CDH13: variants seen among roughly 807,000 people sequenced by gnomAD.
CDH13 encodes the protein cadherin 13.
A neutral mutation model predicts 63.8 loss-of-function variants in CDH13; 24 were observed. The observed-to-expected ratio is 0.38, with a 90% CI of 0.27 to 0.53. The LOEUF (loss-of-function observed/expected upper bound fraction) is 0.53. Ranked by LOEUF, CDH13 falls within the 20% of genes least tolerant of loss-of-function variation. CDH13 has a pLI of 0.85. For missense variants in CDH13, 1,049 were observed against 903.1 expected (o/e 1.16, Z -2.07); for synonymous variants, 503 against 355.3 (o/e 1.42, Z -4.67).
chr16:83,183,381 C>T (rs998762557), intron 4 of CDH13, among the ~76,000 whole-genome samples: 5 of 152,176 alleles, frequency 3.3e-5, no homozygotes, highest in African/African-American at 9.7e-5. Context: ...TGACCTTCCA[C>T]GCACACGACG....
At chr16:82,818,792 G>A (rs376853460) in intron 1 of CDH13, among the ~76,000 whole-genome samples, 1 of 152,158 alleles carries the variant, frequency 6.6e-6, no homozygotes, top group Non-Finnish European at 1.5e-5. Context: ...TTTCTCTCTG[G>A]TGTTGCATTT....
intron 1 of CDH13, among the ~76,000 whole-genome samples, chr16:82,695,118 G>A (rs995880752): frequency 3.9e-5 from 6 of 152,120 alleles, no homozygotes; most frequent in African/African-American, 1.4e-4. Context: ...AAGCAGCTCA[G>A]TGGAAAGGAT....
rs1914444435 is a variant in CDH13 at position 83,670,932 on chromosome 16, C to G, written c.1244C>G (p.Thr415Ser). Reference sequence around the variant, plus strand: ...CCCGGGCAGAGCTTTGAAATCCACACCAACCCTCAAACCAACGAAGGGATG... The same window carrying G: ...CCCGGGCAGAGCTTTGAAATCCACAGCAACCCTCAAACCAACGAAGGGATG... ...GNPGQSFEIH[T>S]NPQTNEGMLS... is the part of the protein sequence containing the mutation. The change falls in exon 9 of 14, where the codon ACC becomes AGC. Residue 415 changes from threonine to serine, a missense_variant. Transcript: ENST00000567109. 6.2e-7 allele frequency: 1 copy of G among 1,609,776 alleles called. No individual in the cohort carries two copies.
chr16:83,662,955 G>A (rs1323245746), intron 8 of CDH13, among the ~76,000 whole-genome samples: 1 of 152,140 alleles, frequency 6.6e-6, no homozygotes, highest in South Asian at 2.1e-4. Context: ...TTGTCTTTGA[G>A]TCCCAGAAAA....
chr16:82,732,164 C>G (rs187423258), intron 1 of CDH13, among the ~76,000 whole-genome samples: 107 of 152,246 alleles, frequency 7.0e-4, no homozygotes, highest in Non-Finnish European at 2.9e-4. Flanking sequence ...TACCAAAAGA[C>G]TGCACGCTTC....
intron 8 of CDH13, among the ~76,000 whole-genome samples, chr16:83,619,177 G>A (rs986813095): frequency 1.3e-5 from 2 of 152,238 alleles, no homozygotes; most frequent in Non-Finnish European, 2.9e-5. Flanking sequence ...ACATGTATGT[G>A]CGCTATGCCT....
rs189628566 is a variant in CDH13, at chr16:82,996,336, G to C, written c.158-35674G>C. Among the ~76,000 whole-genome samples, 365 of 152,192 alleles carry C rather than the reference G, an allele frequency of 2.4e-3. 2 individuals carry two copies. Among genetic ancestry groups the C allele is most frequent in the African/African-American group, 8.1e-3 (337 of 41,528 alleles). Reference sequence around the variant, plus strand: ...CATGACTCATCAGCTTCCTGAACTGGAACAACACTGAGCTTTATGACTACA... The same window carrying C: ...CATGACTCATCAGCTTCCTGAACTGCAACAACACTGAGCTTTATGACTACA... On this transcript the variant is annotated intron_variant, in intron 2 of 13. Coordinates refer to ENST00000567109, the MANE Select transcript of CDH13 (RefSeq NM_001257.5).
intron 4 of CDH13, among the ~76,000 whole-genome samples, chr16:83,197,804 A>G (rs991524068): frequency 9.0e-6 from 1 of 111,002 alleles, no homozygotes; most frequent in Non-Finnish European, 1.8e-5. Context: ...ATATGCTCAC[A>G]CACTCTGACA....
chr16:83,372,641 A>G (rs1432549582), intron 6 of CDH13, among the ~76,000 whole-genome samples: 2 of 150,732 alleles, frequency 1.3e-5, no homozygotes, highest in Non-Finnish European at 2.9e-5. Flanking sequence ...AGTCCCAGCT[A>G]CTCGGGAGGC....
At chr16:83,006,199 A>T (rs1913474841) in intron 2 of CDH13, among the ~76,000 whole-genome samples, 1 of 152,152 alleles carries the variant, frequency 6.6e-6, no homozygotes, top group African/African-American at 2.4e-5. Flanking sequence ...CATCACTTTA[A>T]TACATAAACA....
At chr16:83,010,153 A>AAAAAAAAAAAAAAAAAAAC (rs1913989058) in intron 2 of CDH13, among the ~76,000 whole-genome samples, 1 of 148,206 alleles carries the variant, frequency 6.7e-6, no homozygotes, top group Non-Finnish European at 1.5e-5. Flanking sequence ...AAAAAAAAAA[A>AAAAAAAAAAAAAAAAAAAC]AAAAAAAAAC....
chr16:83,060,311 G>C (rs368900511), intron 3 of CDH13, among the ~76,000 whole-genome samples: 82 of 152,322 alleles, frequency 5.4e-4, no homozygotes, highest in African/African-American at 1.8e-3. Flanking sequence ...CTGAAAAATT[G>C]TGGATGTTGA....
chr16:83,115,628 G>C (rs8045922), intron 3 of CDH13, among the ~76,000 whole-genome samples: 8,500 of 152,264 alleles, frequency 0.056, 360 homozygotes, highest in African/African-American at 0.12. Context: ...AATTGGGCTG[G>C]GCTGACTGCA....
At chr16:83,322,509 A>C (rs968270492) in intron 5 of CDH13, among the ~76,000 whole-genome samples, 1 of 152,122 alleles carries the variant, frequency 6.6e-6, no homozygotes, top group Non-Finnish European at 1.5e-5. Flanking sequence ...CCTCATATAC[A>C]CTAGACACTG....
At chr16:82,697,642 C>A (rs2030485352) in intron 1 of CDH13, among the ~76,000 whole-genome samples, 1 of 151,734 alleles carries the variant, frequency 6.6e-6, no homozygotes, top group Non-Finnish European at 1.5e-5. Flanking sequence ...GTAGACCAGG[C>A]TGGTCTCAAA....
chr16:83,231,343 G>C (rs2039993740), intron 5 of CDH13, among the ~76,000 whole-genome samples: 1 of 152,172 alleles, frequency 6.6e-6, no homozygotes, highest in African/African-American at 2.4e-5. Context: ...CTAGGTTCAG[G>C]GCTCTCCGAG....
chr16:82,778,573 A>AG lies in CDH13; in HGVS notation c.46-79789_46-79788insG, dbSNP rs1412272633. Among the ~76,000 whole-genome samples, 3 of 146,676 alleles carry AG rather than the reference A, an allele frequency of 2.0e-5. No homozygotes were observed. In the East Asian group the frequency reaches 6.0e-4, roughly 29 times the overall value. ...ATGGCCTTTGGAATCACGACCAGAA[A>AG]AAAAAAAAAAAAAAAAAAAAGGTCT... is the stretch of plus-strand genomic sequence containing the variant. On this transcript the variant is annotated intron_variant, in intron 1 of 13. Transcript: ENST00000567109.
At chr16:82,636,019 C>A (rs573662896) in intron 1 of CDH13, among the ~76,000 whole-genome samples, 3 of 152,238 alleles carry the variant, frequency 2.0e-5, no homozygotes, top group African/African-American at 7.2e-5. Flanking sequence ...CAGAAGCAAG[C>A]CAATTAGACC....
intron 4 of CDH13, among the ~76,000 whole-genome samples, chr16:83,157,093 TCA>T (rs2037238299): frequency 1.3e-5 from 2 of 152,262 alleles, no homozygotes; most frequent in Non-Finnish European, 2.9e-5. Context: ...AATGCTGTTC[TCA>T]GTCAGGTTTC....
Sources: gnomAD v4.1 joint callset for allele counts (sites outside exome capture counted in the v4.1 genomes callset) on GRCh38, gnomAD v4.1.1 for gene constraint, MANE v1.5 for transcripts, NCBI Gene and HGNC (gene_info 2026-07-23, HGNC 2026-07-21) for gene names.